Variants in ALOX5 observed in about 807,000 individuals in gnomAD.
ALOX5 encodes the protein arachidonate 5-lipoxygenase.
Under a neutral mutation model 87.9 loss-of-function variants are expected in ALOX5, and 64 were observed. The observed-to-expected ratio is 0.73, with a 90% CI of 0.60 to 0.90. The LOEUF (loss-of-function observed/expected upper bound fraction) is 0.90. ALOX5 is among the 40% of genes least tolerant of loss of function. The pLI is 0.00. For missense variants in ALOX5, 822 were observed against 907.5 expected (o/e 0.91, Z 1.21); for synonymous variants, 388 against 355.1 (o/e 1.09, Z -1.04).
chr10:45,419,366 G>A (rs1841419311), intron 4 of ALOX5, among the ~76,000 whole-genome samples: 1 of 152,182 alleles, frequency 6.6e-6, no homozygotes. Context: ...ATGAGTCCAG[G>A]GGTTGGGTTG....
chr10:45,414,603 T>A (rs958006061), intron 4 of ALOX5, among the ~76,000 whole-genome samples: 54 of 152,152 alleles, frequency 3.5e-4, no homozygotes, highest in African/African-American at 1.3e-3. Context: ...CTAATTAAAC[T>A]AAAGAGCTTC....
At chr10:45,417,902 G>A (rs1019524677) in intron 4 of ALOX5, among the ~76,000 whole-genome samples, 1 of 152,136 alleles carries the variant, frequency 6.6e-6, no homozygotes, top group East Asian at 1.9e-4. Context: ...GCTTCTAGAA[G>A]CCTCTGGCCC....
intron 2 of ALOX5, among the ~76,000 whole-genome samples, chr10:45,388,030 T>C (rs558793944): frequency 7.9e-5 from 12 of 152,298 alleles, no homozygotes; most frequent in African/African-American, 2.9e-4. Flanking sequence ...GAATTCCCTT[T>C]CCTAGCCAAG....
Position 45,374,304 on chromosome 10 carries a change from G to A in ALOX5, c.25G>A (p.Ala9Thr). The change falls in exon 1 of 14, where the codon GCC becomes ACC. Residue 9 changes from alanine (A) to threonine (T), a missense_variant. Coordinates refer to ENST00000374391, the MANE Select transcript of ALOX5 (RefSeq NM_000698.5). MPSYTVTV[A>T]TGSQWFAGTD... ...CATGCCCTCCTACACGGTCACCGTG[G>A]CCACTGGCAGCCAGTGGTTCGCCGG... 1.3e-6 allele frequency: 2 copies of A among 1,517,860 alleles called. No homozygotes were observed. Among genetic ancestry groups the A allele is most frequent in the South Asian group, 1.2e-5 (1 of 81,412 alleles). The allele number at this position is 1,517,860 out of a possible 1,614,324, so 94.0% of individuals were successfully genotyped here. A position where few individuals can be genotyped will look rare whatever the true frequency, so the allele number is the denominator to read the frequency against.
At position 45,388,075 on chromosome 10, in the gene ALOX5, T is replaced by A. The variant is rs182039611; in HGVS notation, c.349+5394T>A. Among the ~76,000 whole-genome samples the A allele has an allele frequency of 5.3e-5, 8 of 152,276 alleles. No homozygotes were observed. The East Asian group carries it at 1.5e-3, about 29-fold the overall frequency. ...GACGGACAGCACCTGGAAAATTGGG[T>A]CACTCCCACCCTAATACTGTACTTT... On this transcript the variant is annotated intron_variant, in intron 2 of 13. Coordinates refer to ENST00000374391, the MANE Select transcript of ALOX5 (RefSeq NM_000698.5).
At chr10:45,388,597 T>C (rs1222222538) in intron 2 of ALOX5, among the ~76,000 whole-genome samples, 1 of 152,230 alleles carries the variant, frequency 6.6e-6, no homozygotes, top group Admixed American at 6.5e-5. Context: ...AGTGGACCTC[T>C]AGCAAACATC....
chr10:45,392,416 C>G (rs1047151430), intron 2 of ALOX5, among the ~76,000 whole-genome samples: 16 of 151,640 alleles, frequency 1.1e-4, no homozygotes, highest in Admixed American at 4.6e-4. Context: ...ACCCCCAACC[C>G]TGTGCTCTCT....
chr10:45,445,738 C>T lies in ALOX5; in HGVS notation c.*51C>T. On this transcript the variant is annotated 3_prime_UTR_variant, in exon 14 of 14. Coordinates refer to ENST00000374391, the MANE Select transcript of ALOX5 (RefSeq NM_000698.5). The stretch of plus-strand genomic sequence containing the variant: ...AGGCCAGCTGCCCCAGCCAGATGGA[C>T]TCCAGCCTGCCTGGCAGGCTGTCTG... 2 of 1,572,546 alleles carry T rather than the reference C, an allele frequency of 1.3e-6. No individual in the cohort carries two copies. The highest frequency in any genetic ancestry group is 1.7e-6 in the Non-Finnish European group (2 of 1,151,022).
At chr10:45,422,925 A>G (rs1841554468) in intron 4 of ALOX5, among the ~76,000 whole-genome samples, 1 of 152,160 alleles carries the variant, frequency 6.6e-6, no homozygotes, top group Non-Finnish European at 1.5e-5. Context: ...TTCCCACAGC[A>G]TGGTCACGTG....
chr10:45,388,170 A>C (rs1840068895), intron 2 of ALOX5, among the ~76,000 whole-genome samples: 1 of 152,250 alleles, frequency 6.6e-6, no homozygotes, highest in African/African-American at 2.4e-5. Flanking sequence ...TCCCATGCCC[A>C]CAGAGCCTTG....
intron 2 of ALOX5, 132 bp downstream of exon 2, chr10:45,382,813 G>T (rs747420784): frequency 3.0e-5 from 32 of 1,063,972 alleles, no homozygotes; most frequent in Admixed American, 1.2e-4. Context: ...TCTGCCCTGT[G>T]CCTCGACACA....
At chr10:45,433,963 T>C (rs1841989158) in intron 7 of ALOX5, among the ~76,000 whole-genome samples, 1 of 152,216 alleles carries the variant, frequency 6.6e-6, no homozygotes. Flanking sequence ...CTCTTTAGTT[T>C]CCAGAGGGAA....
At chr10:45,383,067 C>G (rs1261251023) in intron 2 of ALOX5, among the ~76,000 whole-genome samples, 1 of 152,222 alleles carries the variant, frequency 6.6e-6, no homozygotes, top group Admixed American at 6.5e-5. Flanking sequence ...ATAGCCTGCC[C>G]TCCGTGAGAT....
rs778418203 is a variant in ALOX5, at chr10:45,425,103, C to T, written c.805C>T (p.Arg269Trp). The stretch of plus-strand genomic sequence containing the variant: ...GGAGATGGTAGAGTGCAGCCTGGAG[C>T]GGCAGCTCAGCTTGGAGCAGGAGGT... Reference protein sequence around the residue: ...TTEMVECSLERQLSLEQEVQQ... With the variant: ...TTEMVECSLEWQLSLEQEVQQ... The change falls in exon 6 of 14, where the codon CGG becomes TGG. Residue 269 changes from arginine (R) to tryptophan (W), a missense_variant. Arg to Trp is a moderately radical substitution (Grantham distance 101, BLOSUM62 -3). Coordinates refer to ENST00000374391, the MANE Select transcript of ALOX5 (RefSeq NM_000698.5). The surrounding 1 kb of genome is among the most constrained non-coding windows in gnomAD (Gnocchi z 4.4). 18 of 1,613,728 alleles carry T rather than the reference C, an allele frequency of 1.1e-5. No homozygotes were observed. Among genetic ancestry groups the T allele is most frequent in the Admixed American group, 5.0e-5 (3 of 59,980 alleles).
chr10:45,393,712 C>G (rs1353997328), intron 2 of ALOX5, among the ~76,000 whole-genome samples: 6 of 152,208 alleles, frequency 3.9e-5, no homozygotes, highest in African/African-American at 1.4e-4. Flanking sequence ...ACCCCATTGT[C>G]TCAGCCCAAA....
chr10:45,414,630 C>T (rs975149241), intron 4 of ALOX5, among the ~76,000 whole-genome samples: 9 of 152,146 alleles, frequency 5.9e-5, no homozygotes, highest in African/African-American at 2.2e-4. Context: ...GCAAAAGAAA[C>T]TACCATCAGA....
chr10:45,403,437 C>A (rs1226630849), intron 3 of ALOX5, among the ~76,000 whole-genome samples: 1 of 152,006 alleles, frequency 6.6e-6, no homozygotes, highest in Non-Finnish European at 1.5e-5. Flanking sequence ...AAATGATTAT[C>A]ATAAAGCCGA....
At chr10:45,409,517 C>A (rs1051026231) in intron 3 of ALOX5, among the ~76,000 whole-genome samples, 2 of 150,918 alleles carry the variant, frequency 1.3e-5, no homozygotes, top group African/African-American at 2.5e-5. Context: ...CTGTCTCTCT[C>A]TCTCTCTCTC....
intron 2 of ALOX5, among the ~76,000 whole-genome samples, chr10:45,390,887 A>G (rs1210236329): frequency 6.6e-6 from 1 of 152,184 alleles, no homozygotes; most frequent in East Asian, 1.9e-4. Flanking sequence ...CCTTCAAAAA[A>G]TCAATGAGTC....
Sources: allele counts gnomAD v4.1 joint callset (sites outside exome capture counted in the v4.1 genomes callset), GRCh38; gene constraint gnomAD v4.1.1; non-coding constraint Gnocchi (gnomAD v3.1); transcripts MANE v1.5; gene names NCBI Gene and HGNC (gene_info 2026-07-23, HGNC 2026-07-21).